RALYL: variants seen among roughly 807,000 people sequenced by gnomAD.
RALYL encodes RNA-binding Raly-like protein.
In RALYL, 29 loss-of-function variants were observed where a neutral mutation model predicts 35.1. That is an observed-to-expected ratio of 0.83 (90% CI 0.61 to 1.13). The LOEUF is 1.13. Ranked by LOEUF, RALYL falls within the 50% of genes most tolerant of loss-of-function variation. RALYL has a pLI of 0.00. For synonymous variants in RALYL, 120 were observed against 127.6 expected, an observed-to-expected ratio of 0.94 and a Z score of 0.40; for missense variants, 359 against 360.4, an observed-to-expected ratio of 1.00 and a Z score of 0.03.
chr8:84,221,879 G>A (rs868630152), intron 1 of RALYL, among the ~76,000 whole-genome samples: 1 of 152,068 alleles, frequency 6.6e-6, no homozygotes, highest in South Asian at 2.1e-4. Flanking sequence ...GAGTCTGCTA[G>A]TCTAATTTTT....
At chr8:84,204,190 G>T (rs994796628) in intron 1 of RALYL, among the ~76,000 whole-genome samples, 1 of 151,650 alleles carries the variant, frequency 6.6e-6, no homozygotes, top group African/African-American at 2.4e-5. Flanking sequence ...AGTCTCAGTA[G>T]TTTACCCAAA....
At position 84,402,156 on chromosome 8, in the gene RALYL, T is replaced by C. The variant is rs1412690144; in HGVS notation, c.-23-127143T>C. 2.0e-5 allele frequency among the ~76,000 whole-genome samples: 3 copies of C among 152,314 alleles called. No individual in the cohort carries two copies. In the East Asian group the frequency reaches 5.8e-4, roughly 29 times the overall value. On this transcript the variant is annotated intron_variant, in intron 1 of 8. Coordinates refer to ENST00000521268, the MANE Select transcript of RALYL (RefSeq NM_173848.7). ...AGGGCCAAGACATATCACTTTTGTT[T>C]TGTTTTATTTAAATTATTGTTCCTA... is the stretch of plus-strand genomic sequence containing the variant.
At chr8:84,200,017 A>G (rs1816445629) in intron 1 of RALYL, among the ~76,000 whole-genome samples, 2 of 133,580 alleles carry the variant, frequency 1.5e-5, no homozygotes, top group South Asian at 2.5e-4. Context: ...TGAAAATCCC[A>G]GTACTTATTA....
At chr8:84,461,529 T>G (rs545821031) in intron 1 of RALYL, among the ~76,000 whole-genome samples, 78 of 151,814 alleles carry the variant, frequency 5.1e-4, no homozygotes, top group African/African-American at 1.8e-3. Context: ...CTAAGTACAG[T>G]GTCTGCAAAA....
chr8:84,225,998 G>C (rs973009446), intron 1 of RALYL, among the ~76,000 whole-genome samples: 3 of 152,170 alleles, frequency 2.0e-5, no homozygotes, highest in African/African-American at 7.2e-5. Context: ...ATTATGGGTA[G>C]AGCAGGAGTT....
intron 1 of RALYL, among the ~76,000 whole-genome samples, chr8:84,339,489 C>T (rs576548222): frequency 2.2e-4 from 33 of 151,818 alleles, no homozygotes; most frequent in Admixed American, 2.1e-3. Flanking sequence ...CAGATGGGAC[C>T]ATCTAGTTGC....
chr8:84,857,745 ATATAT>A (rs1300099590), intron 5 of RALYL, among the ~76,000 whole-genome samples: 13 of 152,310 alleles, frequency 8.5e-5, no homozygotes. Context: ...ATGACTGTAC[ATATAT>A]TATGTTTTCA....
At chr8:84,317,834 G>A (rs1050344035) in intron 1 of RALYL, among the ~76,000 whole-genome samples, 4 of 152,072 alleles carry the variant, frequency 2.6e-5, no homozygotes, top group Non-Finnish European at 5.9e-5. Context: ...GAAAATCACA[G>A]TCCTAGGTTT....
intron 2 of RALYL, among the ~76,000 whole-genome samples, chr8:84,644,422 G>A (rs769685722): frequency 2.0e-5 from 3 of 151,898 alleles, no homozygotes; most frequent in Admixed American, 2.0e-4. Context: ...TCCTATCCTC[G>A]TGGACTGACA....
intron 2 of RALYL, among the ~76,000 whole-genome samples, chr8:84,556,628 A>T (rs1406163372): frequency 6.6e-6 from 1 of 152,176 alleles, no homozygotes; most frequent in African/African-American, 2.4e-5. Context: ...TTGTAGACAG[A>T]GTTATTTCTC....
At chr8:84,597,825 C>T (rs1002276350) in intron 2 of RALYL, among the ~76,000 whole-genome samples, 1 of 152,128 alleles carries the variant, frequency 6.6e-6, no homozygotes, top group African/African-American at 2.4e-5. Flanking sequence ...TGTGCTATAA[C>T]AGCAGAATTC....
intron 5 of RALYL, among the ~76,000 whole-genome samples, chr8:84,861,101 TCTGA>T (rs1359167176): frequency 1.3e-5 from 2 of 152,194 alleles, no homozygotes; most frequent in East Asian, 3.8e-4. Context: ...GTTTCTCATT[TCTGA>T]CTTTCATATT....
At chr8:84,613,956 C>G (rs899504612) in intron 2 of RALYL, among the ~76,000 whole-genome samples, 7 of 150,488 alleles carry the variant, frequency 4.7e-5, no homozygotes, top group African/African-American at 1.7e-4. Flanking sequence ...TCTCGTTGGT[C>G]TAAAAAGTAT....
chr8:84,215,939 A>T (rs1412154302), intron 1 of RALYL, among the ~76,000 whole-genome samples: 1 of 152,212 alleles, frequency 6.6e-6, no homozygotes, highest in Non-Finnish European at 1.5e-5. Flanking sequence ...TACTCCCTGG[A>T]AGAAACTATG....
chr8:84,589,489 G>T (rs1812749454), intron 2 of RALYL, among the ~76,000 whole-genome samples: 2 of 152,128 alleles, frequency 1.3e-5, no homozygotes, highest in Non-Finnish European at 2.9e-5. Flanking sequence ...GAAAACCATT[G>T]CAGTAGCATA....
chr8:84,492,190 T>C (rs1313613046), intron 1 of RALYL, among the ~76,000 whole-genome samples: 1 of 151,996 alleles, frequency 6.6e-6, no homozygotes, highest in East Asian at 1.9e-4. Flanking sequence ...ACTTTTTAAA[T>C]CGCAAAAGTA....
At chr8:84,628,855 C>A (rs1823317568) in intron 2 of RALYL, among the ~76,000 whole-genome samples, 1 of 151,554 alleles carries the variant, frequency 6.6e-6, no homozygotes, top group Non-Finnish European at 1.5e-5. Context: ...TGGTAAAAAA[C>A]AAAAATATTA....
chr8:84,849,831 A>G (rs1012620465), intron 4 of RALYL, 149 bp from the exon 5 acceptor site: 3 of 492,296 alleles, frequency 6.1e-6, no homozygotes, highest in Non-Finnish European at 3.6e-6. Flanking sequence ...CAAATTGGAC[A>G]TTATCTTGGA....
chr8:84,737,765 G>A (rs959034868), intron 2 of RALYL, among the ~76,000 whole-genome samples: 1 of 151,844 alleles, frequency 6.6e-6, no homozygotes, highest in Non-Finnish European at 1.5e-5. Flanking sequence ...TGGGATTTAT[G>A]CTTTTAAAAA....
Sources: gnomAD v4.1 joint callset for allele counts (sites outside exome capture counted in the v4.1 genomes callset) on GRCh38, gnomAD v4.1.1 for gene constraint, MANE v1.5 for transcripts, NCBI Gene and HGNC (gene_info 2026-07-23, HGNC 2026-07-21) for gene names.